The following SCAPER variants were observed in gnomAD, a reference collection of about 807,000 sequenced individuals.
SCAPER encodes S-phase cyclin A associated protein in the ER.
SCAPER carries 98 observed loss-of-function variants against 182.2 expected under a neutral mutation model. The observed-to-expected ratio is 0.54, with a 90% confidence interval of 0.46 to 0.64. SCAPER has a LOEUF of 0.64. SCAPER is among the 30% of genes least tolerant of loss of function. SCAPER has a pLI of 0.00. For synonymous variants in SCAPER, 605 were observed against 564.6 expected, an observed-to-expected ratio of 1.07 and a Z score of -1.01; for missense variants, 1,432 against 1,690.0, an observed-to-expected ratio of 0.85 and a Z score of 2.68.
At chr15:76,822,124 A>C (rs542408090) in intron 5 of SCAPER, among the ~76,000 whole-genome samples, 1 of 152,334 alleles carries the variant, frequency 6.6e-6, no homozygotes, top group Non-Finnish European at 1.5e-5. Context: ...AGAACGTATA[A>C]GACCAAGAGC....
intron 29 of SCAPER, among the ~76,000 whole-genome samples, chr15:76,365,424 A>T (rs2041742830): frequency 6.6e-6 from 1 of 152,194 alleles, no homozygotes; most frequent in Non-Finnish European, 1.5e-5. Flanking sequence ...TACTTTTTAA[A>T]TGAAGCATAT....
chr15:76,376,041 G>T, intron 29 of SCAPER, 121 bp downstream of exon 29: 2 of 1,252,556 alleles, frequency 1.6e-6, no homozygotes, highest in Non-Finnish European at 2.2e-6. Flanking sequence ...CCTGCAGTCT[G>T]GTTAAAGGGC....
chr15:76,577,082 C>T (rs2047885311), intron 22 of SCAPER: 1 of 152,192 alleles, frequency 6.6e-6, no homozygotes, highest in African/African-American at 2.4e-5. Context: ...ACCCCTCTCT[C>T]AACCCCAGGC....
intron 8 of SCAPER, among the ~76,000 whole-genome samples, chr15:76,783,477 C>T (rs1308970016): frequency 1.3e-5 from 2 of 152,178 alleles, no homozygotes; most frequent in Non-Finnish European, 2.9e-5. Context: ...GGTATCATTC[C>T]TTTTGAAACT....
intron 17 of SCAPER, among the ~76,000 whole-genome samples, chr15:76,714,724 G>A (rs2059794240): frequency 1.3e-5 from 2 of 152,056 alleles, no homozygotes; most frequent in Admixed American, 6.5e-5. Flanking sequence ...CATAAAAAAT[G>A]TTTACTGTTT....
At chr15:76,854,384 T>C (rs1161036287) in intron 4 of SCAPER, among the ~76,000 whole-genome samples, 1 of 151,972 alleles carries the variant, frequency 6.6e-6, no homozygotes, top group Non-Finnish European at 1.5e-5. Flanking sequence ...ATAAAATACC[T>C]AGAAATACAG....
Position 76,406,646 on chromosome 15 carries a change from ACACT to A in SCAPER, c.3312-1971_3312-1968del, listed in dbSNP as rs1281435140. 1.0e-3 allele frequency among the ~76,000 whole-genome samples: 115 copies of A among 114,232 alleles called. 1 individual carries two copies. Among genetic ancestry groups the A allele is most frequent in the African/African-American group, 3.2e-3 (108 of 33,848 alleles). The allele number at this position is 114,232 out of a possible 152,430, so 74.9% of individuals were successfully genotyped here. On this transcript the variant is annotated intron_variant, in intron 26 of 31. Coordinates refer to ENST00000563290, the MANE Select transcript of SCAPER (RefSeq NM_020843.4). ...CACACACACACACACACACACACAC[ACACT>A]AGCAAACAAAATAAAAGAAAGTGTT...
At chr15:76,735,172 T>C (rs1295112545) in intron 15 of SCAPER, among the ~76,000 whole-genome samples, 1 of 151,870 alleles carries the variant, frequency 6.6e-6, no homozygotes, top group African/African-American at 2.4e-5. Context: ...GTAAAATGAC[T>C]ATCTCTATTA....
At chr15:76,900,941 C>T (rs2074745487) in intron 1 of SCAPER, among the ~76,000 whole-genome samples, 1 of 152,190 alleles carries the variant, frequency 6.6e-6, no homozygotes, top group South Asian at 2.1e-4. Context: ...ATGTTTTTGC[C>T]TTTTCCAACA....
chr15:76,370,398 G>A (rs985331140), intron 29 of SCAPER, among the ~76,000 whole-genome samples: 24 of 147,516 alleles, frequency 1.6e-4, no homozygotes, highest in African/African-American at 5.9e-4. Flanking sequence ...TCTGCCTCCC[G>A]GGTTCAAGCG....
At chr15:76,761,226 TGA>T (rs1052965246) in intron 14 of SCAPER, among the ~76,000 whole-genome samples, 7 of 152,102 alleles carry the variant, frequency 4.6e-5, no homozygotes, top group Non-Finnish European at 8.8e-5. Context: ...CTAATTTATT[TGA>T]GTCTTTTTTT....
rs1293096369 is a variant in SCAPER, at chr15:76,821,455, C to CA, written c.394-16823dup. Among the ~76,000 whole-genome samples the CA allele has an allele frequency of 5.3e-5, 8 of 151,780 alleles. No homozygotes were observed. In the East Asian group the frequency reaches 1.4e-3, roughly 26 times the overall value. ...GGAACATGGCAAAACTCCATCTCTA[C>CA]AAAAAAAATACAGAAAATTAGCCAG... On this transcript the variant is annotated intron_variant, in intron 5 of 31. Coordinates refer to ENST00000563290, the MANE Select transcript of SCAPER (RefSeq NM_020843.4).
chr15:76,540,821 G>A (rs2044675793), intron 23 of SCAPER, among the ~76,000 whole-genome samples: 1 of 151,980 alleles, frequency 6.6e-6, no homozygotes, highest in African/African-American at 2.4e-5. Context: ...ATATCATGTG[G>A]TTCTGAAAGT....
chr15:76,876,270 T>C (rs2073153465), intron 2 of SCAPER, among the ~76,000 whole-genome samples: 1 of 152,032 alleles, frequency 6.6e-6, no homozygotes, highest in Non-Finnish European at 1.5e-5. Context: ...CACAGCTCAG[T>C]GGCGGGCTGA....
At chr15:76,419,329 CA>C (rs1163473710) in intron 26 of SCAPER, among the ~76,000 whole-genome samples, 1 of 77,624 alleles carries the variant, frequency 1.3e-5, no homozygotes, top group African/African-American at 4.2e-5. Context: ...AACTCCGTCT[CA>C]AAAAGAAAAA....
At position 76,872,936 on chromosome 15, in the gene SCAPER, A is replaced by C. The variant is rs550315430; in HGVS notation, c.7-10403T>G. On this transcript the variant is annotated intron_variant, in intron 2 of 31. Transcript: ENST00000563290. The stretch of plus-strand genomic sequence containing the variant: ...GGAAGTGATAAAAGTAACAATTTAT[A>C]ATAGACTCTAGTAAGTCATTAAGAA... Among the ~76,000 whole-genome samples, 207 of 152,134 alleles carry C rather than the reference A, an allele frequency of 1.4e-3. 1 individual carries two copies. Among genetic ancestry groups the C allele is most frequent in the Non-Finnish European group, 1.4e-3 (97 of 68,002 alleles).
intron 23 of SCAPER, among the ~76,000 whole-genome samples, chr15:76,555,033 G>A (rs1274644337): frequency 1.3e-5 from 2 of 151,932 alleles, no homozygotes. Flanking sequence ...CATCCACCTT[G>A]GCCTCCCAAA....
Position 76,599,391 on chromosome 15 carries a change from A to T in SCAPER, c.2711+22373T>A. On this transcript the variant is annotated intron_variant, in intron 22 of 31. Transcript: ENST00000563290. ...AACCTAAACATACACATATCAAAGGACTTTGCACATTCATGCCTAGGTGTT... is the reference window on the plus strand; with the variant it reads ...AACCTAAACATACACATATCAAAGGTCTTTGCACATTCATGCCTAGGTGTT... Among the ~76,000 whole-genome samples the T allele has an allele frequency of 1.6e-5, 2 of 122,218 alleles. 1 individual carries two copies. Among genetic ancestry groups the T allele is most frequent in the East Asian group, 4.4e-4 (2 of 4,560 alleles). 80.2% of individuals were successfully genotyped at this position (122,218 alleles called of 152,430 possible).
chr15:76,753,970 A>T (rs762918275), intron 14 of SCAPER, 22 bp from the exon 15 acceptor site: 1 of 1,608,344 alleles, frequency 6.2e-7, no homozygotes, highest in South Asian at 1.1e-5. Context: ...GAATCATCAC[A>T]TCCTTAATTT....
Sources: gnomAD v4.1 joint callset for allele counts (sites outside exome capture counted in the v4.1 genomes callset) on GRCh38, gnomAD v4.1.1 for gene constraint, MANE v1.5 for transcripts, NCBI Gene and HGNC (gene_info 2026-07-23, HGNC 2026-07-21) for gene names.